RBFOX1: variants seen among roughly 807,000 people sequenced by gnomAD.
RBFOX1 encodes the protein RNA binding protein fox-1 homolog 1.
In RBFOX1, 8 loss-of-function variants were observed where a neutral mutation model predicts 57.7. The observed-to-expected ratio is 0.14, with a 90% CI of 0.08 to 0.25. The LOEUF (loss-of-function observed/expected upper bound fraction) is 0.25, where lower values mean the gene tolerates loss of function less well. RBFOX1 is among the 10% of genes least tolerant of loss of function. RBFOX1 has a pLI of 1.00. For synonymous variants in RBFOX1, 326 were observed against 222.4 expected, an observed-to-expected ratio of 1.47 and a Z score of -4.15; for missense variants, 611 against 548.5, an observed-to-expected ratio of 1.11 and a Z score of -1.14.
chr16:5,666,317 A>G (rs2049843290), intron 3 of RBFOX1, among the ~76,000 whole-genome samples: 1 of 152,170 alleles, frequency 6.6e-6, no homozygotes. Context: ...CAACATTGGT[A>G]CTCGTGAAGC....
chr16:7,687,834 A>G (rs8045076), intron 14 of RBFOX1, among the ~76,000 whole-genome samples: 85,046 of 151,670 alleles, frequency 0.56, 24,364 homozygotes, highest in African/African-American at 0.69. Context: ...GGCAAGATAC[A>G]TATGTTCAGA....
chr16:6,803,123 A>T (rs976481678), intron 3 of RBFOX1, among the ~76,000 whole-genome samples: 2 of 151,486 alleles, frequency 1.3e-5, no homozygotes, highest in African/African-American at 4.9e-5. Flanking sequence ...CCTCTGAGCT[A>T]GACCATGCCT....
intron 4 of RBFOX1, among the ~76,000 whole-genome samples, chr16:7,246,155 A>G (rs374814250): frequency 6.6e-6 from 1 of 152,188 alleles, no homozygotes; most frequent in Non-Finnish European, 1.5e-5. Flanking sequence ...GTTTTGTTCA[A>G]GTTTGCTGAA....
chr16:6,144,194 C>T (rs2096740750), intron 1 of RBFOX1, among the ~76,000 whole-genome samples: 1 of 152,020 alleles, frequency 6.6e-6, no homozygotes, highest in Non-Finnish European at 1.5e-5. Context: ...CATTAGAATG[C>T]CATGGACTAT....
chr16:5,819,996 G>C (rs2055787049), intron 3 of RBFOX1, among the ~76,000 whole-genome samples: 1 of 152,192 alleles, frequency 6.6e-6, no homozygotes, highest in Non-Finnish European at 1.5e-5. Context: ...TCCCCCACCA[G>C]ACCGGGACCT....
At chr16:6,483,803 C>G in intron 2 of RBFOX1, 1 of 1,365,658 alleles carries the variant, frequency 7.3e-7, no homozygotes, top group South Asian at 1.7e-5. Context: ...GCGGCGTGTG[C>G]GCCTCCGGGG....
intron 1 of RBFOX1, among the ~76,000 whole-genome samples, chr16:5,288,707 TG>T (rs2063459706): frequency 6.6e-6 from 1 of 152,008 alleles, no homozygotes; most frequent in South Asian, 2.1e-4. Flanking sequence ...GCATGTTTTT[TG>T]GTCCCACTTC....
intron 1 of RBFOX1, among the ~76,000 whole-genome samples, chr16:5,322,109 C>T (rs534373349): frequency 2.0e-5 from 3 of 152,316 alleles, no homozygotes; most frequent in African/African-American, 7.2e-5. Context: ...CCTGACGCAT[C>T]TGATTCCAAA....
intron 3 of RBFOX1, among the ~76,000 whole-genome samples, chr16:5,706,886 G>T (rs1276203318): frequency 1.3e-5 from 2 of 151,994 alleles, no homozygotes; most frequent in African/African-American, 4.8e-5. Context: ...TTAGGGTGGG[G>T]TTCCTCCAGC....
chr16:7,689,293 C>G (rs190299464), intron 14 of RBFOX1, among the ~76,000 whole-genome samples: 2 of 152,198 alleles, frequency 1.3e-5, no homozygotes, highest in East Asian at 3.9e-4. Context: ...TTCTCCACCC[C>G]CAACCAAGCC....
intron 3 of RBFOX1, among the ~76,000 whole-genome samples, chr16:6,931,291 GTCTGTCTA>G (rs1477100980): frequency 4.8e-4 from 59 of 124,086 alleles, no homozygotes; most frequent in African/African-American, 1.8e-3. Flanking sequence ...CTGTCTGTCT[GTCTGTCTA>G]TCTATCTATC....
At position 7,047,622 on chromosome 16, in the gene RBFOX1, T is replaced by A. The variant is rs919226329; in HGVS notation, c.-15-4435T>A. On this transcript the variant is annotated intron_variant, in intron 3 of 15. Coordinates refer to ENST00000550418, the MANE Select transcript of RBFOX1 (RefSeq NM_018723.4). ...TTTTCAGCCATTATTTCTTAATTTT[T>A]TTTTTTGCAGTGAACTCTTTATCCT... Among the ~76,000 whole-genome samples the A allele has an allele frequency of 1.1e-3, 163 of 151,908 alleles. 1 individual carries two copies. Among genetic ancestry groups the A allele is most frequent in the African/African-American group, 3.7e-3 (153 of 41,554 alleles).
intron 2 of RBFOX1, among the ~76,000 whole-genome samples, chr16:5,538,181 G>C (rs2044776324): frequency 6.6e-6 from 1 of 152,180 alleles, no homozygotes; most frequent in Admixed American, 6.5e-5. Flanking sequence ...TGGAGATGTA[G>C]AGCCAAGAGG....
Position 6,859,543 on chromosome 16 carries a change from A to G in RBFOX1, c.-15-192514A>G, listed in dbSNP as rs111524657. On this transcript the variant is annotated intron_variant, in intron 3 of 15. Transcript: ENST00000550418. ...AATTTCCCAAATGTGAGTGGTTTTT[A>G]TGCTGCCTGTGGAAATCTGAATTTA... is the stretch of plus-strand genomic sequence containing the variant. Among the ~76,000 whole-genome samples, 7 of 152,002 alleles carry G rather than the reference A, an allele frequency of 4.6e-5. 1 individual carries two copies. Among genetic ancestry groups the G allele is most frequent in the African/African-American group, 1.4e-4 (6 of 41,456 alleles).
chr16:6,951,402 C>A (rs952812356), intron 3 of RBFOX1, among the ~76,000 whole-genome samples: 2 of 152,230 alleles, frequency 1.3e-5, no homozygotes, highest in East Asian at 1.9e-4. Context: ...AAAACAATAA[C>A]GTACATTTAT....
intron 4 of RBFOX1, among the ~76,000 whole-genome samples, chr16:7,103,173 A>T (rs989858475): frequency 1.3e-5 from 2 of 152,108 alleles, no homozygotes; most frequent in African/African-American, 4.8e-5. Context: ...GGATTTGCAC[A>T]TTTCTTTCCA....
At chr16:5,638,515 A>T (rs913776262) in intron 3 of RBFOX1, among the ~76,000 whole-genome samples, 7 of 151,978 alleles carry the variant, frequency 4.6e-5, no homozygotes, top group African/African-American at 1.5e-4. Context: ...CTCACCTGCC[A>T]CCCCCAGTCC....
intron 3 of RBFOX1, among the ~76,000 whole-genome samples, chr16:6,982,826 C>G (rs1049357775): frequency 6.6e-6 from 1 of 151,888 alleles, no homozygotes; most frequent in Admixed American, 6.6e-5. Context: ...AGCCCTGTCT[C>G]TACTAAAAAT....
At chr16:6,241,254 C>G (rs1013258099) in intron 1 of RBFOX1, among the ~76,000 whole-genome samples, 3 of 152,130 alleles carry the variant, frequency 2.0e-5, no homozygotes, top group Non-Finnish European at 4.4e-5. Context: ...CTATTTAAAA[C>G]AACAACAAAA....
Sources: allele counts gnomAD v4.1 joint callset (sites outside exome capture counted in the v4.1 genomes callset), GRCh38; gene constraint gnomAD v4.1.1; transcripts MANE v1.5; gene names NCBI Gene and HGNC (gene_info 2026-07-23, HGNC 2026-07-21).